Variants in ANO10 observed in about 807,000 individuals in gnomAD.
The protein encoded by ANO10 is anoctamin 10.
ANO10 carries 77 observed loss-of-function variants against 74.7 expected under a neutral mutation model. The ratio of observed to expected loss-of-function variants is 1.03; its 90% CI spans 0.86 to 1.25. ANO10 has a LOEUF of 1.25. Ranked by LOEUF, ANO10 falls within the 50% of genes most tolerant of loss-of-function variation. ANO10 has a pLI of 0.00. For missense variants in ANO10, 721 were observed against 778.1 expected, an observed-to-expected ratio of 0.93 and a Z score of 0.87; for synonymous variants, 279 against 284.9, an observed-to-expected ratio of 0.98 and a Z score of 0.21.
intron 7 of ANO10, among the ~76,000 whole-genome samples, chr3:43,569,118 C>A (rs1418923572): frequency 6.7e-5 from 10 of 149,086 alleles, no homozygotes; most frequent in Non-Finnish European, 1.5e-4. Flanking sequence ...CACATACACT[C>A]TCCCAAGACT....
Position 43,537,530 on chromosome 3 carries a change from C to T in ANO10, c.1797+12190G>A, listed in dbSNP as rs2078766030. On this transcript the variant is annotated intron_variant, in intron 11 of 12. Transcript: ENST00000292246. ...TTGGGGGCAACCATATCTTTACATTCTGCAGCTCACCTTCCACCTCCTGCT... is the reference window on the plus strand; with the variant it reads ...TTGGGGGCAACCATATCTTTACATTTTGCAGCTCACCTTCCACCTCCTGCT... 2.0e-5 allele frequency among the ~76,000 whole-genome samples: 3 copies of T among 151,778 alleles called. No homozygotes were observed. The South Asian group carries it at 6.3e-4, about 32-fold the overall frequency.
intron 12 of ANO10, chr3:43,372,959 C>T: frequency 1.9e-6 from 2 of 1,037,694 alleles, no homozygotes; most frequent in South Asian, 3.2e-5. Flanking sequence ...CCTCTTTTCT[C>T]ATGTAACACA....
At chr3:43,439,062 C>G (rs1310939096) in intron 11 of ANO10, among the ~76,000 whole-genome samples, 1 of 151,598 alleles carries the variant, frequency 6.6e-6, no homozygotes, top group Non-Finnish European at 1.5e-5. Flanking sequence ...AAGATGAGCC[C>G]AAAGAGGCCT....
intron 7 of ANO10, among the ~76,000 whole-genome samples, chr3:43,572,852 C>G (rs577656567): frequency 6.6e-6 from 1 of 152,122 alleles, no homozygotes; most frequent in South Asian, 2.1e-4. Context: ...AAGATCAACA[C>G]GACCGCAGGA....
At chr3:43,572,108 G>A (rs898694191) in intron 7 of ANO10, among the ~76,000 whole-genome samples, 2 of 152,134 alleles carry the variant, frequency 1.3e-5, no homozygotes, top group African/African-American at 4.8e-5. Flanking sequence ...GGAGACCAAG[G>A]CCTGACATTT....
intron 1 of ANO10, among the ~76,000 whole-genome samples, chr3:43,618,526 T>A (rs2149538069): frequency 6.6e-6 from 1 of 152,324 alleles, no homozygotes; most frequent in East Asian, 1.9e-4. Flanking sequence ...GAGGTGGCCC[T>A]GGGCTGAAGA....
At chr3:43,435,583 T>C (rs1430657357) in intron 11 of ANO10, among the ~76,000 whole-genome samples, 2 of 152,096 alleles carry the variant, frequency 1.3e-5, no homozygotes, top group Non-Finnish European at 2.9e-5. Flanking sequence ...GGAAAGTACT[T>C]ATGCAGGGCC....
chr3:43,553,889 A>G (rs1470137976), intron 10 of ANO10, among the ~76,000 whole-genome samples: 1 of 151,992 alleles, frequency 6.6e-6, no homozygotes, highest in Non-Finnish European at 1.5e-5. Context: ...TATCCCTTCC[A>G]TTCTGCTGTT....
chr3:43,475,221 T>C (rs2076020691), intron 11 of ANO10, among the ~76,000 whole-genome samples: 3 of 152,332 alleles, frequency 2.0e-5, no homozygotes. Flanking sequence ...TCAACATTTA[T>C]TCAATTATCT....
At chr3:43,576,631 A>G (rs2081006395) in intron 6 of ANO10, 61 bp downstream of exon 6, 1 of 1,557,328 alleles carries the variant, frequency 6.4e-7, no homozygotes, top group Non-Finnish European at 8.8e-7. Flanking sequence ...TGTGAATCCC[A>G]TGATCTAGGC....
chr3:43,465,362 T>G (rs2149038151), intron 11 of ANO10, among the ~76,000 whole-genome samples: 1 of 152,304 alleles, frequency 6.6e-6, no homozygotes, highest in Non-Finnish European at 1.5e-5. Flanking sequence ...GCTACAAAAA[T>G]GTACAGCATG....
chr3:43,472,624 G>C (rs1390506760), intron 11 of ANO10: 1 of 152,054 alleles, frequency 6.6e-6, no homozygotes, highest in African/African-American at 2.4e-5. Context: ...GACCAAAGAG[G>C]CATAACAACC....
chr3:43,555,532 AC>A, intron 9 of ANO10, 63 bp from the exon 10 acceptor site: 1 of 1,523,942 alleles, frequency 6.6e-7, no homozygotes, highest in South Asian at 1.2e-5. Context: ...CTTTTGCAAT[AC>A]TAATCAAAGC....
chr3:43,399,213 A>T (rs977590560), intron 12 of ANO10, among the ~76,000 whole-genome samples: 1 of 152,254 alleles, frequency 6.6e-6, no homozygotes, highest in South Asian at 2.1e-4. Flanking sequence ...ACTAAATGTT[A>T]GCTGTTACTA....
intron 12 of ANO10, among the ~76,000 whole-genome samples, chr3:43,396,528 C>T (rs1038173143): frequency 1.3e-4 from 19 of 151,614 alleles, no homozygotes; most frequent in Non-Finnish European, 2.1e-4. Flanking sequence ...TTAGTAGAGA[C>T]GGGGTTTCAC....
intron 11 of ANO10, among the ~76,000 whole-genome samples, chr3:43,449,613 T>C (rs1031312636): frequency 2.0e-5 from 3 of 150,654 alleles, no homozygotes; most frequent in South Asian, 2.1e-4. Flanking sequence ...TTGCCAATAG[T>C]AGATCTATTT....
At chr3:43,557,671 C>G (rs1377199542) in intron 9 of ANO10, among the ~76,000 whole-genome samples, 1 of 142,466 alleles carries the variant, frequency 7.0e-6, no homozygotes, top group Non-Finnish European at 1.5e-5. Flanking sequence ...GGAGGCGGAG[C>G]TTGCAGTGAG....
intron 11 of ANO10, among the ~76,000 whole-genome samples, chr3:43,437,930 A>C (rs1240171766): frequency 2.0e-5 from 3 of 152,174 alleles, no homozygotes; most frequent in Admixed American, 6.5e-5. Flanking sequence ...AATTCTTCAG[A>C]AGCTGACCCA....
At chr3:43,548,914 A>G (rs973687198) in intron 11 of ANO10, among the ~76,000 whole-genome samples, 8 of 152,238 alleles carry the variant, frequency 5.3e-5, no homozygotes, top group African/African-American at 1.7e-4. Flanking sequence ...TTTGCATGTG[A>G]AATTATCTAT....
Sources: gnomAD v4.1 joint callset for allele counts (sites outside exome capture counted in the v4.1 genomes callset) on GRCh38, gnomAD v4.1.1 for gene constraint, MANE v1.5 for transcripts, NCBI Gene and HGNC (gene_info 2026-07-23, HGNC 2026-07-21) for gene names.